Variants in GRIA4 observed in about 807,000 individuals in gnomAD.
GRIA4 encodes the protein glutamate ionotropic receptor AMPA type subunit 4, also known as glutamate receptor 4.
GRIA4 carries 34 observed loss-of-function variants against 104.0 expected under a neutral mutation model. That is an observed-to-expected ratio of 0.33 (90% CI 0.25 to 0.44). The LOEUF (loss-of-function observed/expected upper bound fraction) is 0.44, where lower values mean the gene tolerates loss of function less well. Among genes scored for constraint, GRIA4 ranks in the 20% least tolerant of loss-of-function variants. The probability of loss-of-function intolerance (pLI) is 1.00; values close to 1 mark genes in which losing one functional copy is unlikely to be tolerated. For missense variants in GRIA4, 750 were observed against 1,096.5 expected, an observed-to-expected ratio of 0.68 and a Z score of 4.46; for synonymous variants, 386 against 381.9, an observed-to-expected ratio of 1.01 and a Z score of -0.13.
intron 14 of GRIA4, among the ~76,000 whole-genome samples, chr11:105,950,538 C>A (rs1948431476): frequency 8.0e-6 from 1 of 124,768 alleles, no homozygotes; most frequent in Admixed American, 8.7e-5. Context: ...TCAATAAGAA[C>A]TTTGTATGTA....
chr11:105,624,032 G>A lies in GRIA4; in HGVS notation c.247+11598G>A, dbSNP rs111886489. 2.0e-3 allele frequency among the ~76,000 whole-genome samples: 304 copies of A among 151,906 alleles called. 5 individuals are homozygous for A. Among genetic ancestry groups the A allele is most frequent in the African/African-American group, 6.1e-3 (253 of 41,440 alleles). ...AACACTTTTCCTGTGTTATATTATC[G>A]AAAAATCAAGTAAAGAATATGAAGA... On this transcript the variant is annotated intron_variant, in intron 3 of 16. Transcript: ENST00000282499.
intron 3 of GRIA4, among the ~76,000 whole-genome samples, chr11:105,661,017 T>A (rs1231844111): frequency 6.6e-6 from 1 of 151,444 alleles, no homozygotes; most frequent in African/African-American, 2.4e-5. Flanking sequence ...AAATTCAAAT[T>A]TCAGAATTAG....
intron 14 of GRIA4, among the ~76,000 whole-genome samples, chr11:105,940,595 G>C (rs1948158629): frequency 6.6e-6 from 1 of 152,078 alleles, no homozygotes; most frequent in Non-Finnish European, 1.5e-5. Context: ...CTACCCTTCA[G>C]TGAAGAATTG....
intron 3 of GRIA4, among the ~76,000 whole-genome samples, chr11:105,626,231 A>C (rs1397242239): frequency 6.6e-6 from 1 of 152,094 alleles, no homozygotes; most frequent in Admixed American, 6.6e-5. Context: ...GAAATATTTC[A>C]GTGCAACTAC....
rs188372916 is a variant in GRIA4 at position 105,957,541 on chromosome 11, G to A, written c.2295-14373G>A. 9.1e-4 allele frequency among the ~76,000 whole-genome samples: 139 copies of A among 152,188 alleles called. 1 individual carries two copies. The highest frequency in any genetic ancestry group is 9.7e-4 in the Non-Finnish European group (66 of 68,026). On this transcript the variant is annotated intron_variant, in intron 14 of 16. Transcript: ENST00000282499. Reference sequence around the variant, plus strand: ...TTGTAGTATAGTTTGAAGTCAGGTAGTGTGATGCCTCCAGCTTTGTTCTTT... The same window carrying A: ...TTGTAGTATAGTTTGAAGTCAGGTAATGTGATGCCTCCAGCTTTGTTCTTT...
At position 105,815,860 on chromosome 11, in the gene GRIA4, A is replaced by C. The variant is rs1269444472; in HGVS notation, c.488-46164A>C. Reference sequence around the variant, plus strand: ...TCTTATGAAATCTCACAGACATTTCATATGATTTAGTTTAATACTGTGTCA... The same window carrying C: ...TCTTATGAAATCTCACAGACATTTCCTATGATTTAGTTTAATACTGTGTCA... On this transcript the variant is annotated intron_variant, in intron 4 of 16. Coordinates refer to ENST00000282499, the MANE Select transcript of GRIA4 (RefSeq NM_000829.4). 2.0e-5 allele frequency among the ~76,000 whole-genome samples: 3 copies of C among 152,216 alleles called. No homozygotes were observed. In the East Asian group the frequency reaches 5.8e-4, roughly 29 times the overall value.
chr11:105,946,580 T>C (rs1948319839), intron 14 of GRIA4, among the ~76,000 whole-genome samples: 1 of 151,942 alleles, frequency 6.6e-6, no homozygotes, highest in South Asian at 2.1e-4. Flanking sequence ...AGCCAGACCC[T>C]GTCTCAAAAA....
chr11:105,665,115 A>C (rs963415266), intron 3 of GRIA4, among the ~76,000 whole-genome samples: 2 of 152,030 alleles, frequency 1.3e-5, no homozygotes, highest in African/African-American at 4.8e-5. Flanking sequence ...CAATTACTAA[A>C]AATGAAAATA....
At chr11:105,752,076 C>G (rs1256691227) in intron 3 of GRIA4, among the ~76,000 whole-genome samples, 4 of 152,026 alleles carry the variant, frequency 2.6e-5, no homozygotes, top group Non-Finnish European at 5.9e-5. Flanking sequence ...AAAGTCACAC[C>G]AATTTGGACC....
intron 3 of GRIA4, among the ~76,000 whole-genome samples, chr11:105,737,994 A>G (rs752295976): frequency 6.6e-6 from 1 of 152,118 alleles, no homozygotes; most frequent in African/African-American, 2.4e-5. Flanking sequence ...CACCATGGGT[A>G]TATAATAAGT....
intron 3 of GRIA4, among the ~76,000 whole-genome samples, chr11:105,694,465 A>G (rs192865697): frequency 6.6e-6 from 1 of 152,278 alleles, no homozygotes; most frequent in Admixed American, 6.5e-5. Flanking sequence ...AATTATCTTA[A>G]CAATGTTTTA....
intron 4 of GRIA4, among the ~76,000 whole-genome samples, chr11:105,806,061 T>C (rs1055414282): frequency 2.6e-5 from 4 of 151,978 alleles, no homozygotes; most frequent in Non-Finnish European, 5.9e-5. Flanking sequence ...TTTTTTCTTG[T>C]TCTCTTTAGA....
intron 4 of GRIA4, among the ~76,000 whole-genome samples, chr11:105,803,552 A>T (rs1370119366): frequency 6.6e-6 from 1 of 152,000 alleles, no homozygotes; most frequent in Non-Finnish European, 1.5e-5. Flanking sequence ...AACTCTTTTA[A>T]CTGTATTAAG....
intron 3 of GRIA4, among the ~76,000 whole-genome samples, chr11:105,715,325 A>G (rs1954054381): frequency 6.6e-6 from 1 of 152,174 alleles, no homozygotes; most frequent in Non-Finnish European, 1.5e-5. Flanking sequence ...TTATGTTTGA[A>G]ACATCTTTTA....
intron 4 of GRIA4, among the ~76,000 whole-genome samples, chr11:105,845,217 G>A (rs1944539519): frequency 6.6e-6 from 1 of 152,166 alleles, no homozygotes. Context: ...GGTCATGGCT[G>A]TCAGCTGGAA....
chr11:105,800,904 G>A (rs1191700239), intron 4 of GRIA4, among the ~76,000 whole-genome samples: 1 of 151,832 alleles, frequency 6.6e-6, no homozygotes, highest in African/African-American at 2.4e-5. Flanking sequence ...TTAAAATATA[G>A]GATAGGTGCT....
intron 4 of GRIA4, among the ~76,000 whole-genome samples, chr11:105,779,566 A>G (rs1011074766): frequency 2.0e-5 from 3 of 152,184 alleles, no homozygotes; most frequent in African/African-American, 7.2e-5. Context: ...GCGCACCAGC[A>G]TGGCACATGT....
intron 4 of GRIA4, among the ~76,000 whole-genome samples, chr11:105,796,595 G>A (rs1215758559): frequency 6.6e-6 from 1 of 152,142 alleles, no homozygotes; most frequent in Non-Finnish European, 1.5e-5. Flanking sequence ...CCTGTGAGGT[G>A]CAAAAGAAAA....
At chr11:105,715,037 C>T (rs1207751516) in intron 3 of GRIA4, among the ~76,000 whole-genome samples, 1 of 152,020 alleles carries the variant, frequency 6.6e-6, no homozygotes, top group African/African-American at 2.4e-5. Flanking sequence ...TTGATTGCAA[C>T]AAAATCATCA....
Sources: gnomAD v4.1 joint callset for allele counts (sites outside exome capture counted in the v4.1 genomes callset) on GRCh38, gnomAD v4.1.1 for gene constraint, MANE v1.5 for transcripts, NCBI Gene and HGNC (gene_info 2026-07-23, HGNC 2026-07-21) for gene names.